Variants in MED23 observed in about 807,000 individuals in gnomAD.
MED23 encodes the protein mediator of RNA polymerase II transcription subunit 23.
In MED23, 105 loss-of-function variants were observed where a neutral mutation model predicts 163.9. The observed-to-expected ratio is 0.64, with a 90% confidence interval of 0.55 to 0.75. The LOEUF is 0.75. Ranked by LOEUF, MED23 falls within the 30% of genes least tolerant of loss-of-function variation. The pLI is 0.00. For missense variants in MED23, 1,054 were observed against 1,649.0 expected, an observed-to-expected ratio of 0.64 and a Z score of 6.25; for synonymous variants, 561 against 565.6, an observed-to-expected ratio of 0.99 and a Z score of 0.12.
chr6:131,576,844 G>C lies in MED23; in HGVS notation c.4096-2549C>G, dbSNP rs994369097. The C allele has an allele frequency of 7.2e-5, 71 of 990,840 alleles. No individual in the cohort carries two copies. In the East Asian group the frequency reaches 1.6e-3, roughly 22 times the overall value. 61.4% of individuals were successfully genotyped at this position (990,840 alleles called of 1,614,324 possible). On this transcript the variant is annotated intron_variant, in intron 30 of 30. Transcript: ENST00000354577. ...TCTGGAATATTTACATCAGAATTGCGGTACTGGTTACAACCCGAGAAACAC... is the reference window on the plus strand; with the variant it reads ...TCTGGAATATTTACATCAGAATTGCCGTACTGGTTACAACCCGAGAAACAC...
chr6:131,625,719 T>A (rs1250315306), intron 3 of MED23, among the ~76,000 whole-genome samples: 1 of 152,176 alleles, frequency 6.6e-6, no homozygotes, highest in Non-Finnish European at 1.5e-5. Flanking sequence ...GGAAAGATAT[T>A]CAACATCACT....
At chr6:131,576,850 G>A (rs113784138) in intron 30 of MED23, 2 of 916,348 alleles carry the variant, frequency 2.2e-6, no homozygotes, top group Non-Finnish European at 1.8e-6. Flanking sequence ...TTGCGGTACT[G>A]GTTACAACCC....
intron 4 of MED23, among the ~76,000 whole-genome samples, chr6:131,624,219 A>G (rs1777321990): frequency 6.6e-6 from 1 of 152,228 alleles, no homozygotes; most frequent in African/African-American, 2.4e-5. Flanking sequence ...CTCACTCCTT[A>G]GATCTGGGCA....
chr6:131,581,012 G>A (rs1267529365), intron 30 of MED23, among the ~76,000 whole-genome samples: 1 of 152,118 alleles, frequency 6.6e-6, no homozygotes, highest in Non-Finnish European at 1.5e-5. Flanking sequence ...TAATGCAATC[G>A]ATGTAAATAT....
chr6:131,622,009 A>G, intron 5 of MED23, 30 bp from the exon 6 acceptor site: 3 of 1,497,310 alleles, frequency 2.0e-6, no homozygotes, highest in Non-Finnish European at 2.8e-6. Context: ...ATGGGTTAAA[A>G]TTAAGTAGTG....
chr6:131,584,488 C>G (rs1378702457), downstream of MED23, among the ~76,000 whole-genome samples: 3 of 151,842 alleles, frequency 2.0e-5, no homozygotes, highest in Non-Finnish European at 4.4e-5. Context: ...AATCAATCAT[C>G]CCCAAAACAC....
chr6:131,594,975 T>C (rs1347172156), intron 22 of MED23, among the ~76,000 whole-genome samples: 1 of 152,156 alleles, frequency 6.6e-6, no homozygotes, highest in Non-Finnish European at 1.5e-5. Context: ...AGTATGTATA[T>C]TACCTAATCC....
chr6:131,604,475 T>C (rs1046465576), intron 14 of MED23, among the ~76,000 whole-genome samples, 155 bp from the exon 15 acceptor site: 26 of 152,210 alleles, frequency 1.7e-4, no homozygotes, highest in African/African-American at 6.0e-4. Context: ...GGACACTTGG[T>C]AAGGATGCAC....
At chr6:131,614,408 T>C (rs1398688054) in intron 10 of MED23, among the ~76,000 whole-genome samples, 1 of 152,228 alleles carries the variant, frequency 6.6e-6, no homozygotes, top group Non-Finnish European at 1.5e-5. Flanking sequence ...CTATTTTATA[T>C]AACCTAGACA....
intron 23 of MED23, 129 bp downstream of exon 23, chr6:131,593,970 A>C (rs1774848454): frequency 2.8e-6 from 2 of 726,356 alleles, no homozygotes; most frequent in African/African-American, 3.6e-5. Context: ...CAGAGATGAA[A>C]ATGGAAGTGA....
intron 9 of MED23, 119 bp from the exon 10 acceptor site, chr6:131,616,121 ATCTAGTGGG>A: frequency 1.3e-6 from 1 of 774,630 alleles, no homozygotes. Flanking sequence ...AGTAGGCAGT[ATCTAGTGGG>A]AAAAAAATCA....
At chr6:131,574,142 G>T in exon 31 of MED23, 1 of 934,072 alleles carries the variant, frequency 1.1e-6, no homozygotes, top group Non-Finnish European at 1.7e-6. Context: ...ACACGCATCT[G>T]TGCTTAAAGA....
At chr6:131,584,363 A>AAC (rs3138772), downstream of MED23, 15,514 of 158,242 alleles carry the variant, frequency 0.098, 1,074 homozygotes, top group African/African-American at 0.2. Context: ...AAATACATGC[A>AAC]ACACACACAC....
chr6:131,596,006 G>A lies in MED23; in HGVS notation c.2936C>T (p.Pro979Leu), dbSNP rs1419291635. 1 of 1,613,820 alleles carries A rather than the reference G, an allele frequency of 6.2e-7. No individual in the cohort carries two copies. The highest frequency in any genetic ancestry group is 8.5e-7 in the Non-Finnish European group (1 of 1,179,948). ...IVIHRFLELL[P>L]VSKSLETLLD... is the part of the protein sequence containing the mutation. ...TAGAGTCTCCAGTGATTTGGATACC[G>A]GAAGCAACTCTAAAAATCTGTGGAT... Residue 979 changes from proline to leucine, a missense_variant, in exon 22 of 29, where the codon CCG becomes CTG. By Grantham distance (98) the Pro-to-Leu change is moderately conservative. Around this residue, in one of 11 missense-constraint regions of MED23, gnomAD observed 228 missense variants for 461.3 expected, o/e 0.49. Coordinates refer to ENST00000368068, the MANE Select transcript of MED23 (RefSeq NM_004830.4).
intron 25 of MED23, 132 bp from the exon 26 acceptor site, chr6:131,591,659 G>T: frequency 1.4e-6 from 1 of 729,320 alleles, no homozygotes; most frequent in Non-Finnish European, 2.3e-6. Context: ...CAGCTGGGTG[G>T]CTTTGTAACT....
intron 9 of MED23, among the ~76,000 whole-genome samples, chr6:131,617,161 T>C (rs1237534373): frequency 6.6e-6 from 1 of 150,838 alleles, no homozygotes; most frequent in Non-Finnish European, 1.5e-5. Flanking sequence ...TTCTAACTCT[T>C]CCATGATGCT....
intron 26 of MED23, 27 bp from the exon 27 acceptor site, chr6:131,590,469 G>C: frequency 6.5e-7 from 1 of 1,550,198 alleles, no homozygotes; most frequent in Non-Finnish European, 8.9e-7. Flanking sequence ...AAAATCTCCT[G>C]TGACTTGAAA....
intron 26 of MED23, among the ~76,000 whole-genome samples, 189 bp from the exon 27 acceptor site, chr6:131,590,631 A>G (rs1306049962): frequency 6.6e-6 from 1 of 152,094 alleles, no homozygotes; most frequent in East Asian, 1.9e-4. Context: ...GATTATTTTT[A>G]TTTATTTATT....
exon 31 of MED23, chr6:131,574,288 AC>A (rs1253623163): frequency 6.2e-7 from 1 of 1,613,966 alleles, no homozygotes. Context: ...GTGTACTCTG[AC>A]TTTTTACTGC....
Sources: gnomAD v4.1 joint callset for allele counts (sites outside exome capture counted in the v4.1 genomes callset) on GRCh38, gnomAD v4.1.1 for gene constraint, gnomAD v4.1.1 regional missense constraint, MANE v1.5 for transcripts, NCBI Gene and HGNC (gene_info 2026-07-23, HGNC 2026-07-21) for gene names.